Variants in PPARA observed in about 807,000 individuals in gnomAD.
PPARA encodes the protein peroxisome proliferator activated receptor alpha.
A neutral mutation model predicts 42.2 loss-of-function variants in PPARA; 22 were observed. The observed-to-expected ratio is 0.52, with a 90% CI of 0.37 to 0.74. The LOEUF (loss-of-function observed/expected upper bound fraction) is 0.74. Ranked by LOEUF, PPARA falls within the 30% of genes least tolerant of loss-of-function variation. The probability of loss-of-function intolerance (pLI) is 0.00; values close to 1 mark genes in which losing one functional copy is unlikely to be tolerated. For synonymous variants in PPARA, 242 were observed against 239.3 expected (o/e 1.01, Z -0.10); for missense variants, 465 against 608.2 (o/e 0.76, Z 2.48).
In PPARA at chr22:46,173,222, G is replaced by T. The variant is rs1221411144; in HGVS notation, c.-126-3531G>T. On this transcript the variant is annotated intron_variant, in intron 2 of 8. Transcript: ENST00000407236. The surrounding 1 kb of genome is among the most constrained non-coding windows in gnomAD (Gnocchi z 4.3). ...TGTTCTTTTCACTCTCTTATTTGGG[G>T]ATTTACAAAACAGTTATGTTTTTAG... 6.6e-6 allele frequency among the ~76,000 whole-genome samples: 1 copy of T among 152,176 alleles called. No homozygotes were observed. Among genetic ancestry groups the T allele is most frequent in the African/African-American group, 2.4e-5 (1 of 41,430 alleles).
chr22:46,241,098 G>A lies in PPARA; in HGVS notation c.*5718G>A, dbSNP rs1166412116. 8 of 152,264 alleles carry A rather than the reference G, an allele frequency of 5.3e-5. No homozygotes were observed. Among genetic ancestry groups the A allele is most frequent in the South Asian group, 2.1e-4 (1 of 4,836 alleles). The allele number at this position is 152,264 out of a possible 1,614,324, so 9.4% of individuals were successfully genotyped here. A position where few individuals can be genotyped will look rare whatever the true frequency, so the allele number is the denominator to read the frequency against. ...TTATTCGATGCCATTAAATCATCCCGTGACCTTCCTGCTTCCGAGTCCATG... is the reference window on the plus strand; with the variant it reads ...TTATTCGATGCCATTAAATCATCCCATGACCTTCCTGCTTCCGAGTCCATG... On this transcript the variant is annotated 3_prime_UTR_variant, in exon 9 of 9. Transcript: ENST00000407236. The surrounding 1 kb of genome is among the most constrained non-coding windows in gnomAD (Gnocchi z 5.7).
chr22:46,207,002 C>T (rs1248084597), intron 4 of PPARA, among the ~76,000 whole-genome samples: 1 of 152,054 alleles, frequency 6.6e-6, no homozygotes, highest in East Asian at 1.9e-4. Context: ...GCGGGTGGAT[C>T]ACCTGAGGTC....
Position 46,235,253 on chromosome 22 carries a change from T to C in PPARA, c.1280T>C (p.Leu427Pro). 6.2e-7 allele frequency: 1 copy of C among 1,614,078 alleles called. No individual in the cohort carries two copies. The highest frequency in any genetic ancestry group is 1.1e-5 in the South Asian group (1 of 91,086). The change falls in exon 9 of 9, where the codon CTT becomes CCT. Residue 427 changes from leucine (L) to proline (P), a missense_variant. Physicochemically the swap from Leu to Pro is moderately conservative, Grantham distance 98. Transcript: ENST00000407236. The surrounding 1 kb of genome is among the most constrained non-coding windows in gnomAD (Gnocchi z 7.0). ...GATATCTTTCTCTTCCCAAAACTTC[T>C]TCAAAAAATGGCAGACCTCCGGCAG... Reference protein sequence around the residue: ...PDDIFLFPKLLQKMADLRQLV... With the variant: ...PDDIFLFPKLPQKMADLRQLV...
rs532383237 is a variant in PPARA, at chr22:46,168,737, A to G, written c.-126-8016A>G. On this transcript the variant is annotated intron_variant, in intron 2 of 8. Coordinates refer to ENST00000407236, the MANE Select transcript of PPARA (RefSeq NM_005036.6). ...CATAGACATCTCTCTTCGTAGAAAG[A>G]TATCACTACACACCCACAAGAGTGG... is the stretch of plus-strand genomic sequence containing the variant. 2.9e-4 allele frequency among the ~76,000 whole-genome samples: 44 copies of G among 152,096 alleles called. No individual in the cohort carries two copies. In the South Asian group the frequency reaches 8.7e-3, roughly 30 times the overall value.
At chr22:46,207,231 A>AAAAAAG (rs1183817854) in intron 4 of PPARA, among the ~76,000 whole-genome samples, 1 of 151,838 alleles carries the variant, frequency 6.6e-6, no homozygotes, top group Non-Finnish European at 1.5e-5. Flanking sequence ...CCCCTGCAAA[A>AAAAAAG]AAAAAGAAAA....
intron 4 of PPARA, among the ~76,000 whole-genome samples, chr22:46,209,404 CT>C (rs779528582): frequency 1.3e-5 from 2 of 152,262 alleles, no homozygotes; most frequent in East Asian, 3.9e-4. Context: ...TTTCTTCAAA[CT>C]TTTTTGTCGT....
At position 46,222,439 on chromosome 22, in the gene PPARA, C is replaced by G. The variant is rs188966571; in HGVS notation, c.711+2425C>G. ...AGTCACAGGAAAATAAAGCATTTCACAAGCTACTTACTTTCATGAACAAAC... is the reference window on the plus strand; with the variant it reads ...AGTCACAGGAAAATAAAGCATTTCAGAAGCTACTTACTTTCATGAACAAAC... On this transcript the variant is annotated intron_variant, in intron 7 of 8. Transcript: ENST00000407236. This position sits in a 1 kb window ranked among gnomAD's most constrained non-coding sequence, Gnocchi z 5.9. Among the ~76,000 whole-genome samples the G allele has an allele frequency of 6.6e-6, 1 of 152,326 alleles. No homozygotes were observed. The highest frequency in any genetic ancestry group is 6.5e-5 in the Admixed American group (1 of 15,296).
At chr22:46,197,422 A>G (rs1932403052) in intron 3 of PPARA, among the ~76,000 whole-genome samples, 1 of 152,182 alleles carries the variant, frequency 6.6e-6, no homozygotes, top group South Asian at 2.1e-4. Flanking sequence ...ACAGCTGCGC[A>G]GTCAGTGATG....
At position 46,167,630 on chromosome 22, in the gene PPARA, G is replaced by A. The variant is rs1927272114; in HGVS notation, c.-126-9123G>A. Reference sequence around the variant, plus strand: ...GATTGCACCACTGCACTCCAGACTGGGTGACAGAGAGACCGTGTGTTAAAA... The same window carrying A: ...GATTGCACCACTGCACTCCAGACTGAGTGACAGAGAGACCGTGTGTTAAAA... On this transcript the variant is annotated intron_variant, in intron 2 of 8. Transcript: ENST00000407236. This position sits in a 1 kb window ranked among gnomAD's most constrained non-coding sequence, Gnocchi z 4.1. Among the ~76,000 whole-genome samples, 2 of 152,044 alleles carry A rather than the reference G, an allele frequency of 1.3e-5. No homozygotes were observed. The highest frequency in any genetic ancestry group is 1.3e-4 in the Admixed American group (2 of 15,242).
chr22:46,180,886 C>A lies in PPARA; in HGVS notation c.-43+4050C>A, dbSNP rs1377990823. ...GCCCGGGTCGAGGGAGACCTGGGACCTTTGGTGCCAATGGGAGGACTTTAG... is the reference window on the plus strand; with the variant it reads ...GCCCGGGTCGAGGGAGACCTGGGACATTTGGTGCCAATGGGAGGACTTTAG... On this transcript the variant is annotated intron_variant, in intron 3 of 8. Transcript: ENST00000407236. The surrounding 1 kb of genome is among the most constrained non-coding windows in gnomAD (Gnocchi z 4.2). Among the ~76,000 whole-genome samples, 1 of 152,158 alleles carries A rather than the reference C, an allele frequency of 6.6e-6. No individual in the cohort carries two copies. Among genetic ancestry groups the A allele is most frequent in the African/African-American group, 2.4e-5 (1 of 41,438 alleles).
At position 46,239,324 on chromosome 22, in the gene PPARA, T is replaced by C. The variant is rs958954895; in HGVS notation, c.*3944T>C. On this transcript the variant is annotated 3_prime_UTR_variant, in exon 9 of 9. Transcript: ENST00000407236. ...GCTATACCGTGAGAAGTCAACAACT[T>C]AGCCACCACTTCCCCGCAATGGACC... The C allele has an allele frequency of 1.3e-5, 2 of 151,776 alleles. No homozygotes were observed. Among genetic ancestry groups the C allele is most frequent in the African/African-American group, 4.8e-5 (2 of 41,276 alleles). 9.4% of individuals were successfully genotyped at this position (151,776 alleles called of 1,614,324 possible).
At chr22:46,214,197 G>A (rs1308944126) in intron 4 of PPARA, among the ~76,000 whole-genome samples, 1 of 152,222 alleles carries the variant, frequency 6.6e-6, no homozygotes, top group African/African-American at 2.4e-5. Context: ...CAGTGCGGGG[G>A]CATGGGGAGT....
intron 2 of PPARA, among the ~76,000 whole-genome samples, chr22:46,154,406 C>A (rs2147092194): frequency 6.6e-6 from 1 of 152,138 alleles, no homozygotes; most frequent in South Asian, 2.1e-4. Context: ...TTGCTTGAGC[C>A]CAGGGCTTCA....
In PPARA at chr22:46,159,902, G is replaced by A. The variant is rs1284380290; in HGVS notation, c.-127+7932G>A. On this transcript the variant is annotated intron_variant, in intron 2 of 8. Transcript: ENST00000407236. ...CTAATGACACTGAGGGTGGGTTGTGGGTGCCTAGTGAATTCCTCCGAAGCC... is the reference window on the plus strand; with the variant it reads ...CTAATGACACTGAGGGTGGGTTGTGAGTGCCTAGTGAATTCCTCCGAAGCC... Among the ~76,000 whole-genome samples the A allele has an allele frequency of 1.1e-4, 16 of 152,190 alleles. 1 individual carries two copies. Among genetic ancestry groups the A allele is most frequent in the Admixed American group, 9.2e-4 (14 of 15,264 alleles).
chr22:46,235,591 G>A lies in PPARA; in HGVS notation c.*211G>A. On this transcript the variant is annotated 3_prime_UTR_variant, in exon 9 of 9. Coordinates refer to ENST00000407236, the MANE Select transcript of PPARA (RefSeq NM_005036.6). The surrounding 1 kb of genome is among the most constrained non-coding windows in gnomAD (Gnocchi z 7.0). ...TAGAACTCAAATGCTGGGGGTAGGT[G>A]GCTAATCTCAGGACTGGGAAGATTA... is the stretch of plus-strand genomic sequence containing the variant. 1.6e-6 allele frequency: 1 copy of A among 641,936 alleles called. No homozygotes were observed. The highest frequency in any genetic ancestry group is 2.6e-6 in the Non-Finnish European group (1 of 377,782). 39.8% of individuals were successfully genotyped at this position (641,936 alleles called of 1,614,324 possible).
At chr22:46,206,619 T>G (rs1933336055) in intron 4 of PPARA, among the ~76,000 whole-genome samples, 1 of 152,238 alleles carries the variant, frequency 6.6e-6, no homozygotes, top group African/African-American at 2.4e-5. Context: ...CCTTCATGCA[T>G]TTGTGGTAAT....
At chr22:46,151,595 A>C (rs1924442392) in intron 1 of PPARA, among the ~76,000 whole-genome samples, 1 of 152,252 alleles carries the variant, frequency 6.6e-6, no homozygotes, top group Admixed American at 6.5e-5. Context: ...AAAAACCCAC[A>C]GTTGTCCAAT....
In PPARA at chr22:46,212,767, G is replaced by T. The variant is rs1023597814; in HGVS notation, c.209-2406G>T. Among the ~76,000 whole-genome samples, 1 of 152,132 alleles carries T rather than the reference G, an allele frequency of 6.6e-6. No individual in the cohort carries two copies. The highest frequency in any genetic ancestry group is 1.5e-5 in the Non-Finnish European group (1 of 68,028). On this transcript the variant is annotated intron_variant, in intron 4 of 8. Coordinates refer to ENST00000407236, the MANE Select transcript of PPARA (RefSeq NM_005036.6). The surrounding 1 kb of genome is among the most constrained non-coding windows in gnomAD (Gnocchi z 4.2). ...TCCCAGCATTTTGGGAGGCCAAGGCGGGCAGATCACTTGAGGTCAGGAGTT... is the reference window on the plus strand; with the variant it reads ...TCCCAGCATTTTGGGAGGCCAAGGCTGGCAGATCACTTGAGGTCAGGAGTT...
Position 46,234,038 on chromosome 22 carries a change from G to T in PPARA, c.1160-1095G>T, listed in dbSNP as rs1936061082. ...GGGGTTTCACCATATTGGCCAGGCT[G>T]GTCTCAAACTCCTGACCCCGGGTGA... is the stretch of plus-strand genomic sequence containing the variant. On this transcript the variant is annotated intron_variant, in intron 8 of 8. Coordinates refer to ENST00000407236, the MANE Select transcript of PPARA (RefSeq NM_005036.6). This position sits in a 1 kb window ranked among gnomAD's most constrained non-coding sequence, Gnocchi z 5.8. Among the ~76,000 whole-genome samples, 1 of 152,054 alleles carries T rather than the reference G, an allele frequency of 6.6e-6. No homozygotes were observed.
Sources: allele counts gnomAD v4.1 joint callset (sites outside exome capture counted in the v4.1 genomes callset), GRCh38; gene constraint gnomAD v4.1.1; non-coding constraint Gnocchi (gnomAD v3.1); transcripts MANE v1.5; gene names NCBI Gene and HGNC (gene_info 2026-07-23, HGNC 2026-07-21).